PRKN: variants seen among roughly 807,000 people sequenced by gnomAD.
PRKN encodes parkin RBR E3 ubiquitin protein ligase, also known as E3 ubiquitin-protein ligase parkin.
In PRKN, 56 loss-of-function variants were observed where a neutral mutation model predicts 59.5. The ratio of observed to expected loss-of-function variants is 0.94; its 90% CI spans 0.76 to 1.18. The LOEUF (loss-of-function observed/expected upper bound fraction) is 1.18, where lower values mean the gene tolerates loss of function less well. Among genes scored for constraint, PRKN ranks in the 50% most tolerant of loss-of-function variants. PRKN has a pLI of 0.00. For synonymous variants in PRKN, 250 were observed against 222.1 expected, an observed-to-expected ratio of 1.13 and a Z score of -1.12; for missense variants, 657 against 596.4, an observed-to-expected ratio of 1.10 and a Z score of -1.06.
chr6:162,482,866 C>G (rs1430676670), intron 1 of PRKN, among the ~76,000 whole-genome samples: 1 of 152,126 alleles, frequency 6.6e-6, no homozygotes, highest in Non-Finnish European at 1.5e-5. Context: ...TATTATCCAT[C>G]ATACCTAATA....
intron 1 of PRKN, among the ~76,000 whole-genome samples, chr6:162,513,486 A>AGAAAG (rs981633094): frequency 6.6e-6 from 1 of 151,764 alleles, no homozygotes; most frequent in African/African-American, 2.4e-5. Context: ...AGAAAAGAAA[A>AGAAAG]GAAAAGAGGG....
At chr6:161,910,755 C>G (rs959617931) in intron 6 of PRKN, among the ~76,000 whole-genome samples, 1 of 152,166 alleles carries the variant, frequency 6.6e-6, no homozygotes, top group Non-Finnish European at 1.5e-5. Context: ...CTTATTTTAA[C>G]AAGTTTCCAC....
In PRKN at chr6:161,502,370, T is replaced by A. The variant is rs956940580; in HGVS notation, c.1083+46484A>T. ...TTGGCTGTGCAGAAAACCAATGACA[T>A]CAAAAGGAGAGCTTCTAGAAGTAAA... is the stretch of plus-strand genomic sequence containing the variant. On this transcript the variant is annotated intron_variant, in intron 9 of 11. Transcript: ENST00000366898. The surrounding 1 kb of genome is among the most constrained non-coding windows in gnomAD (Gnocchi z 4.0). 5.3e-5 allele frequency among the ~76,000 whole-genome samples: 8 copies of A among 152,182 alleles called. No homozygotes were observed. The highest frequency in any genetic ancestry group is 1.9e-4 in the African/African-American group (8 of 41,518).
chr6:162,399,095 T>C (rs1787631810), intron 2 of PRKN, among the ~76,000 whole-genome samples: 1 of 152,162 alleles, frequency 6.6e-6, no homozygotes, highest in Admixed American at 6.5e-5. Flanking sequence ...AAAAACAGCA[T>C]TTTCTCTCAC....
intron 2 of PRKN, among the ~76,000 whole-genome samples, chr6:162,436,985 G>A (rs1420870570): frequency 3.9e-5 from 6 of 152,010 alleles, no homozygotes; most frequent in South Asian, 4.1e-4. Context: ...CCAGCTACTC[G>A]GGAGGCTGAG....
At chr6:161,806,709 T>C (rs1791341240) in intron 6 of PRKN, among the ~76,000 whole-genome samples, 1 of 152,218 alleles carries the variant, frequency 6.6e-6, no homozygotes, top group Admixed American at 6.5e-5. Context: ...AGCTGTTGCC[T>C]AAATGTCAAT....
intron 2 of PRKN, among the ~76,000 whole-genome samples, chr6:162,304,540 TATC>T (rs1782136630): frequency 1.8e-5 from 2 of 114,032 alleles, no homozygotes; most frequent in Non-Finnish European, 1.7e-5. Flanking sequence ...TCTATCTATC[TATC>T]TATTTATCCA....
At chr6:161,365,560 A>G (rs920111516) in intron 10 of PRKN, among the ~76,000 whole-genome samples, 1 of 152,240 alleles carries the variant, frequency 6.6e-6, no homozygotes, top group Non-Finnish European at 1.5e-5. Flanking sequence ...GAAAATTGCA[A>G]ATTTATATTA....
At chr6:162,096,730 T>C (rs749940118) in intron 4 of PRKN, among the ~76,000 whole-genome samples, 6 of 152,004 alleles carry the variant, frequency 3.9e-5, no homozygotes, top group Non-Finnish European at 5.9e-5. Flanking sequence ...TCTGCCATGA[T>C]TGGGAGGCCT....
rs1229059056 is a variant in PRKN at position 161,371,474 on chromosome 6, A to G, written c.1168-11269T>C. Among the ~76,000 whole-genome samples the G allele has an allele frequency of 7.3e-6, 1 of 137,426 alleles. No individual in the cohort carries two copies. Among genetic ancestry groups the G allele is most frequent in the African/African-American group, 2.6e-5 (1 of 38,244 alleles). 90.2% of individuals were successfully genotyped at this position (137,426 alleles called of 152,430 possible). A position where few individuals can be genotyped will look rare whatever the true frequency, so the allele number is the denominator to read the frequency against. On this transcript the variant is annotated intron_variant, in intron 10 of 11. Coordinates refer to ENST00000366898, the MANE Select transcript of PRKN (RefSeq NM_004562.3). This position sits in a 1 kb window ranked among gnomAD's most constrained non-coding sequence, Gnocchi z 5.5. The stretch of plus-strand genomic sequence containing the variant: ...GCCACTGCGCCCGGCCTATTTTGTT[A>G]TTTTTTTTAAGAGAAATCATCAGAG...
intron 3 of PRKN, among the ~76,000 whole-genome samples, chr6:162,243,483 T>A (rs1199950689): frequency 6.6e-6 from 1 of 152,098 alleles, no homozygotes; most frequent in Non-Finnish European, 1.5e-5. Flanking sequence ...CACAGGTTGA[T>A]CATTTGAAAA....
intron 1 of PRKN, among the ~76,000 whole-genome samples, chr6:162,465,891 C>G (rs1156688764): frequency 6.6e-6 from 1 of 152,164 alleles, no homozygotes. Flanking sequence ...ACATCTCACA[C>G]TCTCATGCTA....
chr6:162,585,769 C>A (rs1017208324), intron 1 of PRKN, among the ~76,000 whole-genome samples: 20 of 150,600 alleles, frequency 1.3e-4, no homozygotes, highest in Non-Finnish European at 1.8e-4. Flanking sequence ...ATGGTGTGAT[C>A]TCGGCTCACT....
intron 1 of PRKN, among the ~76,000 whole-genome samples, chr6:162,445,534 T>C (rs1273614260): frequency 6.6e-6 from 1 of 151,292 alleles, no homozygotes; most frequent in Non-Finnish European, 1.5e-5. Context: ...AAAAAATTTT[T>C]TTAAACAATC....
intron 6 of PRKN, among the ~76,000 whole-genome samples, chr6:161,885,954 T>C (rs1795133650): frequency 6.6e-6 from 1 of 152,112 alleles, no homozygotes; most frequent in Non-Finnish European, 1.5e-5. Flanking sequence ...CCTCTCCAAA[T>C]GTGGGGATAT....
intron 2 of PRKN, among the ~76,000 whole-genome samples, chr6:162,368,253 G>T (rs1785558245): frequency 6.6e-6 from 1 of 152,154 alleles, no homozygotes; most frequent in Non-Finnish European, 1.5e-5. Context: ...AGGTAAGAGA[G>T]TGAGGGGTCA....
chr6:162,009,255 A>G lies in PRKN; in HGVS notation c.619-35838T>C, dbSNP rs565252515. Among the ~76,000 whole-genome samples, 5 of 151,864 alleles carry G rather than the reference A, an allele frequency of 3.3e-5. No homozygotes were observed. The South Asian group carries it at 1.0e-3, about 32-fold the overall frequency. ...GTGACAGAGCAAGACTCTGTCTTGG[A>G]GAACAAAGCAAAGAAAGAGGTGAGA... On this transcript the variant is annotated intron_variant, in intron 5 of 11. Transcript: ENST00000366898.
intron 2 of PRKN, among the ~76,000 whole-genome samples, chr6:162,382,293 C>T (rs1392946668): frequency 6.6e-6 from 1 of 152,056 alleles, no homozygotes; most frequent in Non-Finnish European, 1.5e-5. Flanking sequence ...CAATTAAATA[C>T]ATTTCCTGAA....
intron 4 of PRKN, among the ~76,000 whole-genome samples, chr6:162,067,795 C>T (rs1582983613): frequency 6.6e-6 from 1 of 152,196 alleles, no homozygotes; most frequent in African/African-American, 2.4e-5. Flanking sequence ...GATGGAGAGA[C>T]TGAGGCTTGG....
Sources: gnomAD v4.1 joint callset for allele counts (sites outside exome capture counted in the v4.1 genomes callset) on GRCh38, gnomAD v4.1.1 for gene constraint, Gnocchi (gnomAD v3.1) non-coding constraint, MANE v1.5 for transcripts, NCBI Gene and HGNC (gene_info 2026-07-23, HGNC 2026-07-21) for gene names.